Variants in ENTPD1 observed in about 807,000 individuals in gnomAD.
The protein encoded by ENTPD1 is ATP diphosphohydrolase.
A neutral mutation model predicts 57.0 loss-of-function variants in ENTPD1; 33 were observed. That is an observed-to-expected ratio of 0.58 (90% CI 0.44 to 0.77). ENTPD1 has a LOEUF of 0.77. Among genes scored for constraint, ENTPD1 ranks in the 30% least tolerant of loss-of-function variants. The pLI is 0.00. For synonymous variants in ENTPD1, 202 were observed against 218.8 expected (o/e 0.92, Z 0.68); for missense variants, 501 against 603.4 (o/e 0.83, Z 1.78).
intron 1 of ENTPD1, among the ~76,000 whole-genome samples, chr10:95,780,937 A>T (rs1279298381): frequency 6.6e-6 from 1 of 152,172 alleles, no homozygotes; most frequent in Non-Finnish European, 1.5e-5. Context: ...GAAAATCTGT[A>T]TATAGAAGAG....
chr10:95,769,979 A>G (rs1248026786), intron 1 of ENTPD1, among the ~76,000 whole-genome samples: 4 of 152,134 alleles, frequency 2.6e-5, no homozygotes, highest in African/African-American at 9.7e-5. Context: ...TCCGATGCCT[A>G]TTTGACATGG....
chr10:95,749,476 G>A (rs953525676), intron 1 of ENTPD1, among the ~76,000 whole-genome samples: 5 of 152,192 alleles, frequency 3.3e-5, no homozygotes. Context: ...ATTTTAGATA[G>A]TGTCCTTGCT....
intron 8 of ENTPD1, 135 bp from the exon 9 acceptor site, chr10:95,864,589 C>T: frequency 2.5e-6 from 3 of 1,209,856 alleles, no homozygotes; most frequent in Non-Finnish European, 3.6e-6. Flanking sequence ...CCCCAAAACC[C>T]TCTGGAAGAG....
chr10:95,721,861 C>T (rs888669076), intron 1 of ENTPD1, among the ~76,000 whole-genome samples: 4 of 152,134 alleles, frequency 2.6e-5, no homozygotes, highest in South Asian at 2.1e-4. Flanking sequence ...CCCCTTTTCC[C>T]GCCTTTCTTG....
At chr10:95,792,395 C>A (rs1335112592) in intron 1 of ENTPD1, among the ~76,000 whole-genome samples, 1 of 152,148 alleles carries the variant, frequency 6.6e-6, no homozygotes, top group Non-Finnish European at 1.5e-5. Flanking sequence ...ATGAGTTGAC[C>A]AGAGGCAGCA....
the ENTPD1 span, among the ~76,000 whole-genome samples, chr10:95,703,650 C>A: frequency 2.6e-5 from 4 of 151,522 alleles, no homozygotes; most frequent in African/African-American, 9.7e-5. Flanking sequence ...GGCGTGGTGG[C>A]AGGCGCCTGT....
At chr10:95,727,986 T>G (rs1390270939) in intron 1 of ENTPD1, among the ~76,000 whole-genome samples, 1 of 152,240 alleles carries the variant, frequency 6.6e-6, no homozygotes, top group Non-Finnish European at 1.5e-5. Context: ...TCCAAAATAT[T>G]TTTTAAATCC....
Position 95,717,838 on chromosome 10 carries a change from A to G in ENTPD1, c.37+5845A>G, listed in dbSNP as rs576648200. On this transcript the variant is annotated intron_variant, in intron 1 of 9. Coordinates refer to the ENTPD1 transcript ENST00000453258. ...CCTTCAATGCCATTAACATCAGAGC[A>G]TGGGCTAGCAGGCCGGTCCAGGGGT... Among the ~76,000 whole-genome samples, 3 of 152,282 alleles carry G rather than the reference A, an allele frequency of 2.0e-5. No homozygotes were observed. The East Asian group carries it at 5.8e-4, about 29-fold the overall frequency.
At chr10:95,827,076 GAAGAA>G (rs1476861339) in intron 2 of ENTPD1, among the ~76,000 whole-genome samples, 2 of 152,154 alleles carry the variant, frequency 1.3e-5, no homozygotes, top group Non-Finnish European at 2.9e-5. Flanking sequence ...TTAGAAAGTA[GAAGAA>G]AAGAGGTGAA....
rs2097974294 is a variant in ENTPD1, at chr10:95,718,740, A to T, written c.37+6747A>T. Among the ~76,000 whole-genome samples, 3 of 152,166 alleles carry T rather than the reference A, an allele frequency of 2.0e-5. No individual in the cohort carries two copies. The South Asian group carries it at 6.2e-4, about 32-fold the overall frequency. ...GGGGATTACTTTCAAGTATTCCATT[A>T]TTACTGACCACTGCATACCCCACTT... is the stretch of plus-strand genomic sequence containing the variant. On this transcript the variant is annotated intron_variant, in intron 1 of 9. Transcript: ENST00000453258.
upstream of ENTPD1, among the ~76,000 whole-genome samples, chr10:95,708,064 G>A (rs372236156): frequency 1.7e-4 from 26 of 152,212 alleles, no homozygotes; most frequent in East Asian, 2.3e-3. Context: ...ATCAAATGAT[G>A]ATATAAAAAA....
At chr10:95,702,090 A>C in the ENTPD1 span, among the ~76,000 whole-genome samples, 1 of 152,066 alleles carries the variant, frequency 6.6e-6, no homozygotes, top group South Asian at 2.1e-4. Context: ...ACAAATAAAA[A>C]ATCAGTAGAG....
chr10:95,830,468 A>G (rs1188776223), intron 2 of ENTPD1, among the ~76,000 whole-genome samples: 3 of 152,154 alleles, frequency 2.0e-5, no homozygotes, highest in Non-Finnish European at 2.9e-5. Flanking sequence ...TCTCAGGTCA[A>G]TTAAATCATC....
chr10:95,774,470 C>A (rs1043782820), intron 1 of ENTPD1, among the ~76,000 whole-genome samples: 4 of 152,198 alleles, frequency 2.6e-5, no homozygotes, highest in African/African-American at 7.2e-5. Flanking sequence ...TTAGGTCTAA[C>A]ATTTAAGTCT....
the ENTPD1 span, among the ~76,000 whole-genome samples, chr10:95,698,647 C>A: frequency 6.6e-6 from 1 of 152,260 alleles, no homozygotes; most frequent in Admixed American, 6.5e-5. Context: ...GTACTCTCCA[C>A]AGGCTCACTG....
chr10:95,826,162 G>A (rs1349229299), intron 2 of ENTPD1, among the ~76,000 whole-genome samples: 2 of 152,128 alleles, frequency 1.3e-5, no homozygotes, highest in Non-Finnish European at 2.9e-5. Context: ...TTGTAATTAT[G>A]ATAAATTGCC....
At chr10:95,820,687 C>A (rs1021563399) in intron 1 of ENTPD1, among the ~76,000 whole-genome samples, 2 of 152,198 alleles carry the variant, frequency 1.3e-5, no homozygotes, top group African/African-American at 4.8e-5. Context: ...CAATCTGATA[C>A]CTTTCCCTTC....
intron 1 of ENTPD1, among the ~76,000 whole-genome samples, chr10:95,725,040 A>G (rs1286867141): frequency 6.6e-6 from 1 of 151,954 alleles, no homozygotes; most frequent in Non-Finnish European, 1.5e-5. Flanking sequence ...TTTTTCATCA[A>G]TCTATTTCCC....
intron 1 of ENTPD1, among the ~76,000 whole-genome samples, chr10:95,784,553 G>A (rs775940311): frequency 9.2e-5 from 14 of 152,162 alleles, no homozygotes; most frequent in Non-Finnish European, 1.9e-4. Flanking sequence ...GTGGACCCAG[G>A]AAGTAGCAGT....
Sources: allele counts gnomAD v4.1 joint callset (sites outside exome capture counted in the v4.1 genomes callset), GRCh38; gene constraint gnomAD v4.1.1; transcripts MANE v1.5; gene names NCBI Gene and HGNC (gene_info 2026-07-23, HGNC 2026-07-21).